The following DENND3 variants were observed in gnomAD, a reference collection of about 807,000 sequenced individuals.
DENND3 encodes DENN domain-containing protein 3.
A neutral mutation model predicts 135.1 loss-of-function variants in DENND3; 88 were observed. That is an observed-to-expected ratio of 0.65 (90% CI 0.55 to 0.78). The LOEUF (loss-of-function observed/expected upper bound fraction) is 0.78. Among genes scored for constraint, DENND3 ranks in the 30% least tolerant of loss-of-function variants. DENND3 has a pLI of 0.00. For missense variants in DENND3, 1,392 were observed against 1,688.4 expected (o/e 0.82, Z 3.08); for synonymous variants, 693 against 712.3 (o/e 0.97, Z 0.43).
rs563810285 is a variant in DENND3 at position 141,195,518 on chromosome 8, G to A, written c.*1285G>A. ...TTGGAGAGTCCACACCACGGACCAG[G>A]TTTTCCCCCAAGGCTTGGCTTTGTG... On this transcript the variant is annotated 3_prime_UTR_variant, in exon 23 of 23. Transcript: ENST00000519811. The A allele has an allele frequency of 3.9e-5, 6 of 152,352 alleles. No individual in the cohort carries two copies. In the East Asian group the frequency reaches 1.2e-3, roughly 29 times the overall value. 9.4% of individuals were successfully genotyped at this position (152,352 alleles called of 1,614,324 possible). A position where few individuals can be genotyped will look rare whatever the true frequency, so the allele number is the denominator to read the frequency against.
At chr8:141,172,438 G>A (rs985596279) in intron 13 of DENND3, among the ~76,000 whole-genome samples, 6 of 152,138 alleles carry the variant, frequency 3.9e-5, no homozygotes, top group South Asian at 2.1e-4. Flanking sequence ...AGCCCTGAGC[G>A]CCCTCACACT....
chr8:141,180,541 C>T (rs565744937), intron 16 of DENND3, among the ~76,000 whole-genome samples: 1 of 152,218 alleles, frequency 6.6e-6, no homozygotes, highest in South Asian at 2.1e-4. Flanking sequence ...GCCACTCACT[C>T]GCACACCAGG....
At chr8:141,165,466 T>TC (rs917397432) in intron 11 of DENND3, among the ~76,000 whole-genome samples, 177 bp downstream of exon 11, 43 of 147,090 alleles carry the variant, frequency 2.9e-4, no homozygotes, top group Middle Eastern at 3.5e-3. Flanking sequence ...TACTTCTTCT[T>TC]TTTTTTTTTT....
rs142453138 is a variant in DENND3, at chr8:141,178,115, G to A, written c.2755G>A (p.Ala919Thr). The A allele has an allele frequency of 1.1e-5, 18 of 1,612,360 alleles. No individual in the cohort carries two copies. In the African/African-American group the frequency reaches 1.5e-4, roughly 13 times the overall value. ...QALTNVLLMD[A>T]VVGTLQSPGA... is the part of the protein sequence containing the mutation. ...GCTGACCAACGTCTTGCTGATGGAC[G>A]CCGTCGTGGGCACACTGCAGTCACC... is the stretch of plus-strand genomic sequence containing the variant. The change falls in exon 16 of 23, where the codon GCC (alanine) becomes ACC (threonine). Residue 919 changes from alanine (A) to threonine (T), a missense_variant. By Grantham distance (58) the Ala-to-Thr change is moderately conservative. Transcript: ENST00000519811.
Position 141,141,096 on chromosome 8 carries a change from A to T in DENND3, c.502-107A>T. 1 of 1,545,138 alleles carries T rather than the reference A, an allele frequency of 6.5e-7. No individual in the cohort carries two copies. The highest frequency in any genetic ancestry group is 1.7e-4 in the Middle Eastern group (1 of 5,772). ...GCTTGGACGCGTTGCAGGGGTGGGG[A>T]TGGTGGACTCTCAGCTTGCTGTGTG... On this transcript the variant is annotated intron_variant, in intron 3 of 22. Coordinates refer to ENST00000519811, the MANE Select transcript of DENND3 (RefSeq NM_001352890.3). The surrounding 1 kb of genome is among the most constrained non-coding windows in gnomAD (Gnocchi z 5.3).
At chr8:141,165,373 G>A in intron 11 of DENND3, 84 bp downstream of exon 11, 1 of 1,101,014 alleles carries the variant, frequency 9.1e-7, no homozygotes. Context: ...ATGAGTAAAT[G>A]AGAAAGTCAA....
chr8:141,158,187 C>G (rs1307430649), intron 8 of DENND3: 1 of 1,289,514 alleles, frequency 7.8e-7, no homozygotes, highest in Non-Finnish European at 1.0e-6. Context: ...GGGCTCTCCT[C>G]CCCAGCCAAG....
chr8:141,180,516 TGGG>T (rs1204014338), intron 16 of DENND3, among the ~76,000 whole-genome samples: 1 of 151,844 alleles, frequency 6.6e-6, no homozygotes, highest in Non-Finnish European at 1.5e-5. Flanking sequence ...TGGACACAGG[TGGG>T]GGATGCGCCT....
chr8:141,178,122 T>C lies in DENND3; in HGVS notation c.2762T>C (p.Val921Ala). ...AACGTCTTGCTGATGGACGCCGTCG[T>C]GGGCACACTGCAGTCACCAGGCGCC... ...LTNVLLMDAV[V>A]GTLQSPGAIY... is the part of the protein sequence containing the mutation. Residue 921 changes from valine (V) to alanine (A), a missense_variant, in exon 16 of 23, where the codon GTG becomes GCG. Physicochemically the swap from Val to Ala is moderately conservative, Grantham distance 64. Coordinates refer to ENST00000519811, the MANE Select transcript of DENND3 (RefSeq NM_001352890.3). 2 of 1,613,126 alleles carry C rather than the reference T, an allele frequency of 1.2e-6. No individual in the cohort carries two copies. The highest frequency in any genetic ancestry group is 1.7e-6 in the Non-Finnish European group (2 of 1,179,066).
chr8:141,176,866 G>A (rs1822440424), intron 15 of DENND3, 105 bp downstream of exon 15: 1 of 1,263,178 alleles, frequency 7.9e-7, no homozygotes, highest in South Asian at 1.4e-5. Context: ...TCGGGCTCGG[G>A]TCTGAGTGTC....
intron 7 of DENND3, among the ~76,000 whole-genome samples, chr8:141,153,222 T>C (rs552970854): frequency 1.3e-5 from 2 of 151,304 alleles, no homozygotes; most frequent in South Asian, 4.2e-4. Context: ...GCCTCCCGAG[T>C]AGCTGGGACT....
Position 141,192,654 on chromosome 8 carries a change from G to A in DENND3, c.3627G>A (p.Val1209=), listed in dbSNP as rs1321772797. ...DCSEINCMIR[V]KKQVWVGSRG... ...CTGAGATCAACTGCATGATCCGGGT[G>A]AAGAAGCAGGTAGGGTGGAGGGCCC... The change falls in exon 22 of 23, where the codon GTG becomes GTA. Residue 1209 remains valine, a synonymous_variant. Transcript: ENST00000519811. The A allele has an allele frequency of 6.2e-7, 1 of 1,606,666 alleles. No homozygotes were observed. The highest frequency in any genetic ancestry group is 1.1e-5 in the South Asian group (1 of 90,458).
chr8:141,137,914 A>G lies in DENND3; in HGVS notation c.386-108A>G. Reference sequence around the variant, plus strand: ...CCGCCTTGGACATGAAGGCACCACCACTGCTAACTGTGGAGGTGTGTCCTA... The same window carrying G: ...CCGCCTTGGACATGAAGGCACCACCGCTGCTAACTGTGGAGGTGTGTCCTA... On this transcript the variant is annotated intron_variant, in intron 2 of 22. Transcript: ENST00000519811. The surrounding 1 kb of genome is among the most constrained non-coding windows in gnomAD (Gnocchi z 4.1). 2.3e-5 allele frequency: 25 copies of G among 1,104,820 alleles called. No homozygotes were observed. Among genetic ancestry groups the G allele is most frequent in the Non-Finnish European group, 3.1e-5 (24 of 768,324 alleles). The allele number at this position is 1,104,820 out of a possible 1,614,324, so 68.4% of individuals were successfully genotyped here. A position where few individuals can be genotyped will look rare whatever the true frequency, so the allele number is the denominator to read the frequency against.
intron 15 of DENND3, chr8:141,177,812 A>G: frequency 2.8e-6 from 1 of 363,410 alleles, no homozygotes; most frequent in Non-Finnish European, 4.9e-6. Context: ...GAGACTGGCC[A>G]CAAAGCTTGA....
chr8:141,161,345 G>A (rs941213474), intron 9 of DENND3, among the ~76,000 whole-genome samples: 10 of 152,350 alleles, frequency 6.6e-5, no homozygotes, highest in South Asian at 2.1e-4. Flanking sequence ...CTCAAGATGT[G>A]CCTGTTAGCA....
Position 141,130,522 on chromosome 8 carries a change from A to C in DENND3, c.102+1713A>C, listed in dbSNP as rs1393140335. ...GGGTTTGGCAAAGGGTGGAGAGAAA[A>C]GTAGTGAAGGACTAAGAAAATAAGG... On this transcript the variant is annotated intron_variant, in intron 1 of 22. Coordinates refer to ENST00000519811, the MANE Select transcript of DENND3 (RefSeq NM_001352890.3). This position sits in a 1 kb window ranked among gnomAD's most constrained non-coding sequence, Gnocchi z 4.2. Among the ~76,000 whole-genome samples, 6 of 152,120 alleles carry C rather than the reference A, an allele frequency of 3.9e-5. No individual in the cohort carries two copies. Among genetic ancestry groups the C allele is most frequent in the African/African-American group, 1.4e-4 (6 of 41,410 alleles).
Position 141,176,667 on chromosome 8 carries a change from A to C in DENND3, c.2612A>C (p.Glu871Ala), listed in dbSNP as rs1174557223. ...TLKIRVASKK[E>A]VFEANLKTEC... ...AAAATCAGAGTGGCGTCCAAGAAAGAAGTCTTCGAAGCCAACCTGAAAACC... is the reference window on the plus strand; with the variant it reads ...AAAATCAGAGTGGCGTCCAAGAAAGCAGTCTTCGAAGCCAACCTGAAAACC... The change falls in exon 15 of 23, where the codon GAA becomes GCA. Residue 871 changes from glutamate (E) to alanine (A), a missense_variant. Physicochemically the swap from Glu to Ala is moderately radical, Grantham distance 107 (BLOSUM62 -1). Transcript: ENST00000519811. 2 of 1,614,270 alleles carry C rather than the reference A, an allele frequency of 1.2e-6. No homozygotes were observed.
chr8:141,144,392 C>T lies in DENND3; in HGVS notation c.735+133C>T. On this transcript the variant is annotated intron_variant, in intron 5 of 22. Coordinates refer to ENST00000519811, the MANE Select transcript of DENND3 (RefSeq NM_001352890.3). The surrounding 1 kb of genome is among the most constrained non-coding windows in gnomAD (Gnocchi z 4.4). ...AACCTAAAATAACATCCTAACCCCC[C>T]CGCCTCCCCACAGCTGACTGACTGG... The T allele has an allele frequency of 1.9e-5, 17 of 892,908 alleles. No homozygotes were observed. Among genetic ancestry groups the T allele is most frequent in the Non-Finnish European group, 2.6e-5 (16 of 620,506 alleles). The allele number at this position is 892,908 out of a possible 1,614,324, so 55.3% of individuals were successfully genotyped here.
Position 141,170,995 on chromosome 8 carries a change from A to G in DENND3, c.2275+2470A>G, listed in dbSNP as rs966275265. 2.6e-5 allele frequency among the ~76,000 whole-genome samples: 4 copies of G among 151,950 alleles called. No homozygotes were observed. In the South Asian group the frequency reaches 8.3e-4, roughly 32 times the overall value. Reference sequence around the variant, plus strand: ...GCAGAATCGTGTCATGTGGCCGCCCAGTTGCAAGGGAGCCCGGGAAGGGTG... The same window carrying G: ...GCAGAATCGTGTCATGTGGCCGCCCGGTTGCAAGGGAGCCCGGGAAGGGTG... On this transcript the variant is annotated intron_variant, in intron 13 of 22. Transcript: ENST00000519811.
Sources: gnomAD v4.1 joint callset for allele counts (sites outside exome capture counted in the v4.1 genomes callset) on GRCh38, gnomAD v4.1.1 for gene constraint, Gnocchi (gnomAD v3.1) non-coding constraint, MANE v1.5 for transcripts, NCBI Gene and HGNC (gene_info 2026-07-23, HGNC 2026-07-21) for gene names.